Variants in SLC18B1 observed in about 807,000 individuals in gnomAD.
SLC18B1 encodes MFS-type transporter SLC18B1.
SLC18B1 carries 62 observed loss-of-function variants against 53.9 expected under a neutral mutation model. That is an observed-to-expected ratio of 1.15 (90% confidence interval 0.94 to 1.42). SLC18B1 has a LOEUF of 1.42. Among genes scored for constraint, SLC18B1 ranks in the 40% most tolerant of loss-of-function variants. SLC18B1 has a pLI of 0.00. For synonymous variants in SLC18B1, 217 were observed against 200.9 expected, an observed-to-expected ratio of 1.08 and a Z score of -0.68; for missense variants, 598 against 547.3, an observed-to-expected ratio of 1.09 and a Z score of -0.93.
intron 2 of SLC18B1, among the ~76,000 whole-genome samples, chr6:132,792,264 AAAGAAAGAAAGAAAGAAAGG>A (rs1562271328): frequency 2.3e-4 from 10 of 43,974 alleles, no homozygotes; most frequent in African/African-American, 1.3e-3. Flanking sequence ...AGAAAGAAAG[AAAGAAAGAAAGAAAGAAAGG>A]AAGAAAGGAA....
intron 7 of SLC18B1, 71 bp from the exon 8 acceptor site, chr6:132,776,500 T>A (rs1343399736): frequency 1.2e-5 from 13 of 1,103,062 alleles, no homozygotes; most frequent in Non-Finnish European, 1.7e-5. Context: ...CTTTTCCCTC[T>A]ACCATTTCTT....
Position 132,776,365 on chromosome 6 carries a change from G to A in SLC18B1, c.860C>T (p.Ser287Phe). ...ACTTAGGAGACCAAATAGTGGTGAA[G>A]AGATGGCATAGGACAGTGCCATACC... ...FLGMALSYAI[S>F]SPLFGLLSDK... is the part of the protein sequence containing the mutation. The change falls in exon 8 of 14, where the codon TCT becomes TTT. Residue 287 changes from serine to phenylalanine, a missense_variant. Coordinates refer to ENST00000275227, the MANE Select transcript of SLC18B1 (RefSeq NM_052831.3). 1 of 1,613,608 alleles carries A rather than the reference G, an allele frequency of 6.2e-7. No individual in the cohort carries two copies. The highest frequency in any genetic ancestry group is 8.5e-7 in the Non-Finnish European group (1 of 1,179,752).
intron 6 of SLC18B1, 117 bp from the exon 7 acceptor site, chr6:132,779,521 T>C (rs1036521248): frequency 8.6e-7 from 1 of 1,162,032 alleles, no homozygotes; most frequent in South Asian, 1.6e-5. Context: ...TGACTCAATC[T>C]CTGAGTTTGC....
At chr6:132,791,121 A>G (rs1449201491) in intron 2 of SLC18B1, among the ~76,000 whole-genome samples, 3 of 152,234 alleles carry the variant, frequency 2.0e-5, no homozygotes, top group African/African-American at 7.2e-5. Context: ...GAATCAAAAT[A>G]TGAGTTTAAT....
chr6:132,770,788 A>G, intron 13 of SLC18B1, 102 bp downstream of exon 13: 1 of 1,153,876 alleles, frequency 8.7e-7, no homozygotes, highest in Non-Finnish European at 1.3e-6. Flanking sequence ...CAGAGTGCTT[A>G]GAAATCCACT....
chr6:132,772,838 C>T (rs569583022), intron 10 of SLC18B1, 155 bp downstream of exon 10: 6 of 580,276 alleles, frequency 1.0e-5, no homozygotes, highest in African/African-American at 9.3e-5. Context: ...TGTATTATTA[C>T]TATTTATATC....
intron 2 of SLC18B1, among the ~76,000 whole-genome samples, chr6:132,792,284 G>GAAAGAAAGAAAGA (rs1461079612): frequency 0.027 from 1,038 of 37,748 alleles, 236 homozygotes; most frequent in Middle Eastern, 0.054. Flanking sequence ...AGAAAGAAAG[G>GAAAGAAAGAAAGA]AAGAAAGGAA....
chr6:132,770,967 A>G, intron 12 of SLC18B1, 28 bp from the exon 13 acceptor site: 1 of 1,611,952 alleles, frequency 6.2e-7, no homozygotes, highest in South Asian at 1.1e-5. Flanking sequence ...GTACTGATTA[A>G]TGTAAATTTT....
At chr6:132,791,206 A>G (rs1458224597) in intron 2 of SLC18B1, among the ~76,000 whole-genome samples, 1 of 152,224 alleles carries the variant, frequency 6.6e-6, no homozygotes, top group Non-Finnish European at 1.5e-5. Context: ...ACCGTCTTAT[A>G]TATATGAGGC....
chr6:132,794,166 C>T (rs906361861), intron 2 of SLC18B1, among the ~76,000 whole-genome samples: 55 of 148,120 alleles, frequency 3.7e-4, no homozygotes, highest in African/African-American at 1.3e-3. Flanking sequence ...TGCAGTGGGG[C>T]GATCTCGGCT....
At chr6:132,790,316 G>T in intron 2 of SLC18B1, 44 bp from the exon 3 acceptor site, 1 of 1,373,478 alleles carries the variant, frequency 7.3e-7, no homozygotes, top group South Asian at 1.4e-5. Context: ...AGAAAAATTA[G>T]ATCAATATGA....
At chr6:132,798,216 C>G (rs983148610) in intron 1 of SLC18B1, among the ~76,000 whole-genome samples, 198 bp downstream of exon 1, 1 of 152,210 alleles carries the variant, frequency 6.6e-6, no homozygotes, top group Non-Finnish European at 1.5e-5. Context: ...TCATTAGAAA[C>G]CGTGACACAT....
intron 2 of SLC18B1, among the ~76,000 whole-genome samples, chr6:132,794,814 G>A (rs1781630728): frequency 6.6e-6 from 1 of 152,086 alleles, no homozygotes. Flanking sequence ...CATCAGCCTG[G>A]GCAACATGGT....
At chr6:132,770,422 C>T (rs1780939189) in intron 13 of SLC18B1, 86 bp from the exon 14 acceptor site, 1 of 1,163,992 alleles carries the variant, frequency 8.6e-7, no homozygotes, top group Non-Finnish European at 1.3e-6. Context: ...CCTGTATCTC[C>T]ATCCAACTAT....
At chr6:132,782,114 G>C (rs746885702) in intron 6 of SLC18B1, among the ~76,000 whole-genome samples, 3 of 151,698 alleles carry the variant, frequency 2.0e-5, no homozygotes, top group African/African-American at 4.9e-5. Flanking sequence ...CTTGATCCTG[G>C]GAGGCGGAGG....
chr6:132,770,453 T>C (rs1780939915), intron 13 of SLC18B1, 117 bp from the exon 14 acceptor site: 6 of 857,414 alleles, frequency 7.0e-6, no homozygotes, highest in African/African-American at 5.1e-5. Context: ...AAGTTTCTAC[T>C]GCCCGGGCAT....
intron 6 of SLC18B1, among the ~76,000 whole-genome samples, chr6:132,782,705 C>T (rs767669326): frequency 3.3e-5 from 5 of 151,966 alleles, no homozygotes; most frequent in Non-Finnish European, 7.4e-5. Flanking sequence ...AAAAATTCTG[C>T]CAATATCAGT....
At chr6:132,773,985 GA>G (rs1481099073) in intron 9 of SLC18B1, among the ~76,000 whole-genome samples, 1 of 152,126 alleles carries the variant, frequency 6.6e-6, no homozygotes, top group Non-Finnish European at 1.5e-5. Flanking sequence ...TTGAAATACA[GA>G]AGGAGAATAT....
At chr6:132,798,051 ATGTT>A (rs1562274515) in intron 1 of SLC18B1, among the ~76,000 whole-genome samples, 1 of 152,356 alleles carries the variant, frequency 6.6e-6, no homozygotes, top group South Asian at 2.1e-4. Context: ...TCTTTGTAAA[ATGTT>A]TGTAGTAGAT....
Sources: allele counts gnomAD v4.1 joint callset (sites outside exome capture counted in the v4.1 genomes callset), GRCh38; gene constraint gnomAD v4.1.1; transcripts MANE v1.5; gene names NCBI Gene and HGNC (gene_info 2026-07-23, HGNC 2026-07-21).